NOP14: variants seen among roughly 807,000 people sequenced by gnomAD.
NOP14 encodes the protein NOP14 nucleolar protein.
A neutral mutation model predicts 101.6 loss-of-function variants in NOP14; 57 were observed. The ratio of observed to expected loss-of-function variants is 0.56; its 90% confidence interval spans 0.45 to 0.70. The LOEUF (loss-of-function observed/expected upper bound fraction) is 0.70. NOP14 is among the 30% of genes least tolerant of loss of function. The pLI is 0.00. For synonymous variants in NOP14, 428 were observed against 424.0 expected (o/e 1.01, Z -0.12); for missense variants, 1,134 against 1,075.5 (o/e 1.05, Z -0.76).
rs781128668 is a variant in NOP14, at chr4:2,963,145, G to T, written c.175C>A (p.Arg59Ser). The part of the protein sequence containing the change: ...RHDVGLPGVS[R>S]ARALRKRTQT... ...CTTACCTTCCTGAGGGCCCGTGCGCGAGACACCCCGGGCAGTCCCACGTCG... is the reference window on the plus strand; with the variant it reads ...CTTACCTTCCTGAGGGCCCGTGCGCTAGACACCCCGGGCAGTCCCACGTCG... Residue 59 changes from arginine (R) to serine (S), a missense_variant, in exon 1 of 18, where the codon CGC (arginine) becomes AGC (serine). By Grantham distance (110) the Arg-to-Ser change is moderately radical. Transcript: ENST00000416614. 1.3e-6 allele frequency: 2 copies of T among 1,564,566 alleles called. No homozygotes were observed. The highest frequency in any genetic ancestry group is 1.4e-5 in the African/African-American group (1 of 70,342).
chr4:2,939,734 G>GT (rs1713999197), intron 15 of NOP14, 89 bp from the exon 16 acceptor site: 10 of 981,732 alleles, frequency 1.0e-5, no homozygotes, highest in East Asian at 2.4e-5. Context: ...TCAAGGCAGC[G>GT]TGAGGACAGT....
chr4:2,941,364 G>C, intron 15 of NOP14: 1 of 554,670 alleles, frequency 1.8e-6, no homozygotes, highest in Non-Finnish European at 3.2e-6. Context: ...ACAGTTCCCA[G>C]CTGCCGCCTG....
At chr4:2,947,339 G>C in intron 10 of NOP14, 187 bp downstream of exon 10, 1 of 595,006 alleles carries the variant, frequency 1.7e-6, no homozygotes, top group Middle Eastern at 3.4e-4. Context: ...GGCTGGAGCG[G>C]CACGTGTGAG....
Position 2,963,251 on chromosome 4 carries a change from GC to G in NOP14, c.68del (p.Gly23AlafsTer12), listed in dbSNP as rs1716282671. ...ASGAPAGARG[G>X]PAKANSNPFE... ...ACGGATTGGAGTTGGCCTTCGCCGG[GC>G]CCCCTCGCGCTCCCGCCGGCGCCCC... On this transcript the variant is annotated frameshift_variant, in exon 1 of 18. Transcript: ENST00000416614. LOFTEE classifies it high-confidence loss of function. 1.9e-6 allele frequency: 3 copies of G among 1,590,156 alleles called. No homozygotes were observed. Among genetic ancestry groups the G allele is most frequent in the Non-Finnish European group, 2.6e-6 (3 of 1,170,970 alleles).
chr4:2,940,346 T>C (rs1475974), intron 15 of NOP14: 50,940 of 152,220 alleles, frequency 0.33, 9,018 homozygotes, highest in African/African-American at 0.41. Context: ...CAGCCACTCC[T>C]GGGCCCATGT....
intron 8 of NOP14, among the ~76,000 whole-genome samples, chr4:2,949,536 A>G (rs984719313): frequency 1.3e-5 from 2 of 152,172 alleles, no homozygotes; most frequent in African/African-American, 4.8e-5. Flanking sequence ...TAGACAAAAC[A>G]ACACTGTATA....
At chr4:2,943,540 G>A (rs1217112059) in intron 13 of NOP14, among the ~76,000 whole-genome samples, 1 of 152,252 alleles carries the variant, frequency 6.6e-6, no homozygotes, top group East Asian at 1.9e-4. Context: ...GGCAGCCAGT[G>A]TGCAGACTGC....
At chr4:2,950,489 T>C (rs1714952746) in intron 7 of NOP14, 1 of 506,564 alleles carries the variant, frequency 2.0e-6, no homozygotes, top group South Asian at 2.3e-5. Context: ...GGGACTGGGA[T>C]TTGGAAGGTG....
At position 2,941,748 on chromosome 4, in the gene NOP14, A is replaced by AG; in HGVS notation, c.2052-20dup. On this transcript the variant is annotated intron_variant, in intron 14 of 17. Coordinates refer to ENST00000416614, the MANE Select transcript of NOP14 (RefSeq NM_001291978.2). ...GGACAGTCTGTGAGGGCAGGAGGCA[A>AG]GAGGAGGTCCAACTTGTTCTGTTTG... 1 of 1,608,870 alleles carries AG rather than the reference A, an allele frequency of 6.2e-7. No individual in the cohort carries two copies. The highest frequency in any genetic ancestry group is 8.5e-7 in the Non-Finnish European group (1 of 1,178,262).
chr4:2,951,363 G>GA, intron 6 of NOP14, 118 bp from the exon 7 acceptor site: 2 of 806,648 alleles, frequency 2.5e-6, no homozygotes, highest in Non-Finnish European at 3.9e-6. Flanking sequence ...TCTGAGGCTG[G>GA]TGCATCCAGC....
In NOP14 at chr4:2,957,698, A is replaced by G; in HGVS notation, c.238T>C (p.Ser80Pro). The G allele has an allele frequency of 6.2e-7, 1 of 1,614,100 alleles. No homozygotes were observed. Among genetic ancestry groups the G allele is most frequent in the Non-Finnish European group, 8.5e-7 (1 of 1,179,998 alleles). ...AAGCGTTTATCTCTGAATACATTGG[A>G]TTTATCCCTTTCTTTGTACTCTTTT... ...LLKEYKERDK[S>P]NVFRDKRFGE... The change falls in exon 2 of 18, where the codon TCC (serine) becomes CCC (proline). Residue 80 changes from serine to proline, a missense_variant. Transcript: ENST00000416614.
chr4:2,954,360 CAAACACATTT>C, intron 4 of NOP14, 54 bp downstream of exon 4: 1 of 1,567,216 alleles, frequency 6.4e-7, no homozygotes, highest in Non-Finnish European at 8.7e-7. Context: ...AAAAAAAGCT[CAAACACATTT>C]TGGTGAGCCT....
chr4:2,961,267 T>TATATTAATA (rs1206115132), intron 1 of NOP14: 3 of 124,078 alleles, frequency 2.4e-5, no homozygotes, highest in African/African-American at 8.7e-5. Context: ...AATAATATAG[T>TATATTAATA]TAGTATATTA....
intron 11 of NOP14, among the ~76,000 whole-genome samples, chr4:2,945,999 A>G (rs1359928351): frequency 4.1e-4 from 12 of 29,320 alleles, no homozygotes; most frequent in South Asian, 2.1e-3. Flanking sequence ...GATCACCCTC[A>G]CTGCCGTGCA....
intron 11 of NOP14, 91 bp downstream of exon 11, chr4:2,946,321 C>T (rs935713093): frequency 6.8e-5 from 100 of 1,473,942 alleles, no homozygotes; most frequent in Non-Finnish European, 8.8e-5. Flanking sequence ...GCACAGGGTA[C>T]AGCCAAGAGC....
intron 17 of NOP14, 69 bp downstream of exon 17, chr4:2,939,119 T>C: frequency 1.3e-6 from 2 of 1,592,126 alleles, no homozygotes; most frequent in Non-Finnish European, 1.7e-6. Flanking sequence ...CCCGGTGCTC[T>C]GCCCAGGGCC....
At chr4:2,942,485 G>A (rs1426616732) in intron 13 of NOP14, 134 bp from the exon 14 acceptor site, 2 of 947,638 alleles carry the variant, frequency 2.1e-6, no homozygotes, top group Non-Finnish European at 3.2e-6. Flanking sequence ...GGTTGTGCCA[G>A]ACACTGAGGG....
chr4:2,961,966 T>C (rs1350067942), intron 1 of NOP14, among the ~76,000 whole-genome samples: 1 of 152,272 alleles, frequency 6.6e-6, no homozygotes, highest in East Asian at 1.9e-4. Context: ...ATAGCTTGGG[T>C]GGTGAACCTG....
At chr4:2,958,899 A>G (rs763707425) in intron 1 of NOP14, among the ~76,000 whole-genome samples, 20 of 152,346 alleles carry the variant, frequency 1.3e-4, no homozygotes, top group South Asian at 8.3e-4. Flanking sequence ...AGAGAGTGGA[A>G]GGGGTTAAGA....
Sources: allele counts gnomAD v4.1 joint callset (sites outside exome capture counted in the v4.1 genomes callset), GRCh38; gene constraint gnomAD v4.1.1; transcripts MANE v1.5; gene names NCBI Gene and HGNC (gene_info 2026-07-23, HGNC 2026-07-21).